The following SYNJ1 variants were observed in gnomAD, a reference collection of about 807,000 sequenced individuals.
The protein encoded by SYNJ1 is synaptojanin 1.
In SYNJ1, 78 loss-of-function variants were observed where a neutral mutation model predicts 168.2. That is an observed-to-expected ratio of 0.46 (90% CI 0.39 to 0.56). The LOEUF (loss-of-function observed/expected upper bound fraction) is 0.56. SYNJ1 is among the 20% of genes least tolerant of loss of function. SYNJ1 has a pLI of 0.00. For missense variants in SYNJ1, 1,303 were observed against 1,597.6 expected, an observed-to-expected ratio of 0.82 and a Z score of 3.14; for synonymous variants, 539 against 548.6, an observed-to-expected ratio of 0.98 and a Z score of 0.24.
chr21:32,643,381 C>A (rs2039930228), intron 27 of SYNJ1, 29 bp downstream of exon 27: 4 of 1,611,926 alleles, frequency 2.5e-6, no homozygotes, highest in African/African-American at 1.3e-5. Context: ...AATGAGAGAA[C>A]CACTTCTATA....
intron 2 of SYNJ1, 124 bp from the exon 3 acceptor site, chr21:32,702,171 C>T: frequency 3.3e-6 from 2 of 611,370 alleles, no homozygotes; most frequent in South Asian, 5.7e-5. Flanking sequence ...AAATGTACTG[C>T]ATATTTTCTT....
At chr21:32,714,202 G>T (rs748520583) in intron 2 of SYNJ1, among the ~76,000 whole-genome samples, 81 of 152,096 alleles carry the variant, frequency 5.3e-4, no homozygotes, top group Non-Finnish European at 6.9e-4. Context: ...ACTGAAAGGC[G>T]GCCAATGAGG....
intron 2 of SYNJ1, among the ~76,000 whole-genome samples, chr21:32,710,459 A>C (rs2042786400): frequency 1.3e-5 from 2 of 152,236 alleles, no homozygotes; most frequent in Non-Finnish European, 2.9e-5. Context: ...CTAAGGGATC[A>C]GAGAAGAACT....
intron 4 of SYNJ1, among the ~76,000 whole-genome samples, chr21:32,697,461 T>C (rs923008288): frequency 3.3e-5 from 5 of 151,832 alleles, no homozygotes; most frequent in Admixed American, 2.6e-4. Context: ...GGCTTTCTTT[T>C]ATCTGACTTT....
At position 32,631,278 on chromosome 21, in the gene SYNJ1, C is replaced by T. The variant is rs1466054559; in HGVS notation, c.*527G>A. 14 of 1,614,112 alleles carry T rather than the reference C, an allele frequency of 8.7e-6. No individual in the cohort carries two copies. Among genetic ancestry groups the T allele is most frequent in the Non-Finnish European group, 1.2e-5 (14 of 1,180,054 alleles). On this transcript the variant is annotated 3_prime_UTR_variant, in exon 33 of 33. Coordinates refer to ENST00000674351, the MANE Select transcript of SYNJ1 (RefSeq NM_203446.3). ...CTCTTCTTCCTCGAAGGTTACCCAT[C>T]CTTTCGGGTTGCTAATTTTTAATGT...
chr21:32,640,191 G>A, intron 29 of SYNJ1, among the ~76,000 whole-genome samples: 1 of 152,138 alleles, frequency 6.6e-6, no homozygotes, highest in Non-Finnish European at 1.5e-5. Flanking sequence ...GTGCAATGCT[G>A]TCTTTATGGG....
chr21:32,684,837 T>G (rs2041761338), intron 9 of SYNJ1, among the ~76,000 whole-genome samples: 1 of 152,146 alleles, frequency 6.6e-6, no homozygotes, highest in Non-Finnish European at 1.5e-5. Context: ...CAGATGGAAA[T>G]GGGCATAATA....
intron 23 of SYNJ1, among the ~76,000 whole-genome samples, chr21:32,649,325 C>T (rs760607642): frequency 5.3e-5 from 8 of 152,134 alleles, no homozygotes; most frequent in Non-Finnish European, 1.5e-5. Context: ...CCTTGTAAGA[C>T]GTTCAACTCT....
chr21:32,668,808 C>T (rs938423658), intron 15 of SYNJ1, among the ~76,000 whole-genome samples: 3 of 152,114 alleles, frequency 2.0e-5, no homozygotes, highest in Admixed American at 1.3e-4. Flanking sequence ...TTTGAGGGTT[C>T]CCAAAGCCCA....
chr21:32,689,099 T>C (rs959834148), intron 6 of SYNJ1, among the ~76,000 whole-genome samples: 2 of 152,202 alleles, frequency 1.3e-5, no homozygotes, highest in African/African-American at 2.4e-5. Context: ...CACAGGAGAA[T>C]AGCAGAGAGA....
At position 32,666,543 on chromosome 21, in the gene SYNJ1, T is replaced by C. The variant is rs894587197; in HGVS notation, c.1842A>G (p.Glu614=). 1 of 1,613,930 alleles carries C rather than the reference T, an allele frequency of 6.2e-7. No homozygotes were observed. Among genetic ancestry groups the C allele is most frequent in the African/African-American group, 1.3e-5 (1 of 74,938 alleles). Residue 614 remains glutamate, a synonymous_variant, in exon 16 of 33, where the codon GAA becomes GAG. Coordinates refer to ENST00000674351, the MANE Select transcript of SYNJ1 (RefSeq NM_203446.3). ...TGTCTCTGGAGATTGTCTTCTGAAG[T>C]TCTACAGCCCAGAGCTTCTGATTTG... ...STTNQKLWAV[E]LQKTISRDNK...
At chr21:32,725,589 T>G (rs1328710846) in intron 2 of SYNJ1, among the ~76,000 whole-genome samples, 4 of 152,182 alleles carry the variant, frequency 2.6e-5, no homozygotes, top group Non-Finnish European at 5.9e-5. Context: ...CAAGATGCAA[T>G]TATACTATTT....
At chr21:32,695,952 T>C (rs1472485290) in intron 4 of SYNJ1, among the ~76,000 whole-genome samples, 1 of 152,064 alleles carries the variant, frequency 6.6e-6, no homozygotes, top group Non-Finnish European at 1.5e-5. Flanking sequence ...TTTTATGTCA[T>C]TCTCCTGCCT....
chr21:32,673,566 C>T (rs1331497901), intron 13 of SYNJ1, 35 bp from the exon 14 acceptor site: 1 of 1,513,832 alleles, frequency 6.6e-7, no homozygotes, highest in Non-Finnish European at 8.9e-7. Flanking sequence ...ATTTTAGCTG[C>T]ATCAAACCAT....
rs1252841106 is a variant in SYNJ1 at position 32,657,727 on chromosome 21, A to C, written c.2450T>G (p.Phe817Cys). The C allele has an allele frequency of 1.2e-6, 2 of 1,601,680 alleles. No homozygotes were observed. Among genetic ancestry groups the C allele is most frequent in the Non-Finnish European group, 1.7e-6 (2 of 1,176,452 alleles). The change falls in exon 19 of 33, where the codon TTT (phenylalanine) becomes TGT (cysteine). Residue 817 changes from phenylalanine to cysteine, a missense_variant. Phe to Cys is a radical substitution (Grantham distance 205, BLOSUM62 -2). This residue lies in a region of SYNJ1 where 920 missense variants were observed against 1,208.8 expected (regional missense o/e 0.76). Coordinates refer to ENST00000674351, the MANE Select transcript of SYNJ1 (RefSeq NM_203446.3). ...RVLWRRRKWPFDRSAEDLDLL... is the reference protein window; with the variant it reads ...RVLWRRRKWPCDRSAEDLDLL... Reference sequence around the variant, plus strand: ...GCCCATTTCCCAACCTGATCTATCAAAAGGCCATTTCCTCCTTCTCCAAAG... The same window carrying C: ...GCCCATTTCCCAACCTGATCTATCACAAGGCCATTTCCTCCTTCTCCAAAG...
intron 2 of SYNJ1, among the ~76,000 whole-genome samples, chr21:32,712,198 C>G (rs915904113): frequency 3.9e-5 from 6 of 152,158 alleles, no homozygotes; most frequent in African/African-American, 9.7e-5. Flanking sequence ...CTCTCTAGAA[C>G]CACAATTTGC....
intron 2 of SYNJ1, among the ~76,000 whole-genome samples, chr21:32,705,541 C>T (rs2042575804): frequency 6.6e-6 from 1 of 151,968 alleles, no homozygotes; most frequent in African/African-American, 2.4e-5. Context: ...AAATCCAGGA[C>T]AATTTGAGCA....
chr21:32,719,324 G>A (rs553221513), intron 2 of SYNJ1, among the ~76,000 whole-genome samples: 6 of 152,328 alleles, frequency 3.9e-5, no homozygotes, highest in African/African-American at 1.2e-4. Flanking sequence ...TAGTGAAACC[G>A]GGTTTTTGCT....
rs764673212 is a variant in SYNJ1, at chr21:32,631,480, G to A, written c.*325C>T. 1.2e-6 allele frequency: 2 copies of A among 1,614,134 alleles called. No homozygotes were observed. The highest frequency in any genetic ancestry group is 2.7e-5 in the African/African-American group (2 of 75,050). On this transcript the variant is annotated 3_prime_UTR_variant, in exon 33 of 33. Transcript: ENST00000674351. ...GACTTGGCTCTAAATGGGTTTCCAGGAGCAGCAGTCCTGTCACTGAAAGGA... is the reference window on the plus strand; with the variant it reads ...GACTTGGCTCTAAATGGGTTTCCAGAAGCAGCAGTCCTGTCACTGAAAGGA...
Sources: allele counts gnomAD v4.1 joint callset (sites outside exome capture counted in the v4.1 genomes callset), GRCh38; gene constraint gnomAD v4.1.1; regional missense constraint gnomAD v4.1.1; transcripts MANE v1.5; gene names NCBI Gene and HGNC (gene_info 2026-07-23, HGNC 2026-07-21).